Variants in FABP7 observed in about 807,000 individuals in gnomAD.
FABP7 encodes the protein fatty acid binding protein 7.
FABP7 carries 13 observed loss-of-function variants against 14.2 expected under a neutral mutation model. That is an observed-to-expected ratio of 0.91 (90% CI 0.59 to 1.45). The LOEUF (loss-of-function observed/expected upper bound fraction) is 1.45, where lower values mean the gene tolerates loss of function less well. Ranked by LOEUF, FABP7 falls within the 40% of genes most tolerant of loss-of-function variation. The pLI is 0.00. For synonymous variants in FABP7, 49 were observed against 51.4 expected, an observed-to-expected ratio of 0.95 and a Z score of 0.20; for missense variants, 149 against 157.6, an observed-to-expected ratio of 0.95 and a Z score of 0.29.
chr6:122,765,166 T>G, the FABP7 span, among the ~76,000 whole-genome samples: 1 of 152,118 alleles, frequency 6.6e-6, no homozygotes, highest in Non-Finnish European at 1.5e-5. Flanking sequence ...AATTCTGCAA[T>G]GGAAAAGACT....
the FABP7 span, among the ~76,000 whole-genome samples, chr6:122,763,252 G>T: frequency 6.6e-6 from 1 of 152,152 alleles, no homozygotes; most frequent in Non-Finnish European, 1.5e-5. Context: ...ACAACCATCT[G>T]ATCTTTGACA....
the FABP7 span, among the ~76,000 whole-genome samples, chr6:122,754,932 T>C: frequency 5.9e-5 from 9 of 152,138 alleles, no homozygotes; most frequent in Admixed American, 5.9e-4. Context: ...CTCACCAACC[T>C]TTCTACTGGT....
chr6:122,756,932 T>G, the FABP7 span, among the ~76,000 whole-genome samples: 1 of 152,182 alleles, frequency 6.6e-6, no homozygotes, highest in East Asian at 1.9e-4. Context: ...GATCCTTCTA[T>G]TCTTCCTGTT....
the FABP7 span, among the ~76,000 whole-genome samples, chr6:122,769,067 T>A: frequency 3.9e-5 from 6 of 152,232 alleles, no homozygotes; most frequent in African/African-American, 1.4e-4. Flanking sequence ...GAGTTCCACA[T>A]CTACCTGTCA....
At chr6:122,782,062 AC>A in intron 3 of FABP7, 2 of 985,328 alleles carry the variant, frequency 2.0e-6, no homozygotes, top group Non-Finnish European at 2.4e-6. Context: ...CCCAAAGAGA[AC>A]CATTTTGATG....
the FABP7 span, among the ~76,000 whole-genome samples, chr6:122,771,429 A>G: frequency 6.6e-6 from 1 of 152,168 alleles, no homozygotes; most frequent in Admixed American, 6.6e-5. Flanking sequence ...GTACACAGTA[A>G]TCAGCAGAGA....
Position 122,780,333 on chromosome 6 carries a change from C to T in FABP7, c.116C>T (p.Pro39Leu). ...AGGCAGGTGGGAAATGTGACCAAACCAACGGTAATTATCAGTCAAGAAGGA... is the reference window on the plus strand; with the variant it reads ...AGGCAGGTGGGAAATGTGACCAAACTAACGGTAATTATCAGTCAAGAAGGA... ...ATRQVGNVTK[P>L]TVIISQEGDK... The change falls in exon 2 of 4, where the codon CCA (proline) becomes CTA (leucine). Residue 39 changes from proline to leucine, a missense_variant. Physicochemically the swap from Pro to Leu is moderately conservative, Grantham distance 98. Transcript: ENST00000368444. The T allele has an allele frequency of 6.2e-7, 1 of 1,614,082 alleles. No homozygotes were observed. Among genetic ancestry groups the T allele is most frequent in the Non-Finnish European group, 8.5e-7 (1 of 1,180,032 alleles).
rs1412776785 is a variant in FABP7, at chr6:122,779,815, T to C, written c.21T>C (p.Ala7=). Residue 7 remains alanine (A), a synonymous_variant, in exon 1 of 4, where the codon GCT becomes GCC. Transcript: ENST00000368444. ...CAAGGATGGTGGAGGCTTTCTGTGC[T>C]ACCTGGAAGCTGACCAACAGTCAGA... MVEAFC[A]TWKLTNSQNF... 1.2e-6 allele frequency: 2 copies of C among 1,614,054 alleles called. No homozygotes were observed. The highest frequency in any genetic ancestry group is 1.3e-5 in the African/African-American group (1 of 74,938).
the FABP7 span, among the ~76,000 whole-genome samples, chr6:122,767,178 C>T: frequency 3.3e-5 from 5 of 151,910 alleles, no homozygotes; most frequent in African/African-American, 9.7e-5. Flanking sequence ...ATCAATTCTT[C>T]CAGATCAATA....
At position 122,779,748 on chromosome 6, in the gene FABP7, G is replaced by A; in HGVS notation, c.-47G>A. 6.3e-7 allele frequency: 1 copy of A among 1,590,164 alleles called. No individual in the cohort carries two copies. Among genetic ancestry groups the A allele is most frequent in the South Asian group, 1.1e-5 (1 of 90,158 alleles). On this transcript the variant is annotated 5_prime_UTR_variant, in exon 1 of 4. Coordinates refer to ENST00000368444, the MANE Select transcript of FABP7 (RefSeq NM_001446.5). ...GTCTTCTGAGCTGCAGTGGCAATTA[G>A]ACCAGAAGATCCCCGCTCCTGTCTC... is the stretch of plus-strand genomic sequence containing the variant.
upstream of FABP7, among the ~76,000 whole-genome samples, chr6:122,775,032 TG>T (rs1780647457): frequency 6.6e-6 from 1 of 152,040 alleles, no homozygotes; most frequent in Non-Finnish European, 1.5e-5. Flanking sequence ...GGAAAGATAT[TG>T]CATGTTCATG....
At chr6:122,779,694 G>T (rs1780732411), upstream of FABP7, 1 of 1,098,606 alleles carries the variant, frequency 9.1e-7, no homozygotes, top group African/African-American at 1.5e-5. Flanking sequence ...CAAATAAGAA[G>T]GCAGGAGCTG....
upstream of FABP7, chr6:122,779,382 A>T (rs1196342605): frequency 5.8e-6 from 1 of 173,624 alleles, no homozygotes. Flanking sequence ...GCAGTCTGAG[A>T]TTGCCTTTGC....
At chr6:122,781,998 TGCCTCG>T (rs1253451521) in intron 3 of FABP7, 2 of 909,216 alleles carry the variant, frequency 2.2e-6, no homozygotes, top group African/African-American at 3.6e-5. Context: ...TCCCGCCTGC[TGCCTCG>T]GCCTCCCAGA....
At chr6:122,783,375 T>C (rs943249602) in intron 3 of FABP7, 7 of 984,622 alleles carry the variant, frequency 7.1e-6, no homozygotes, top group Non-Finnish European at 8.4e-6. Context: ...AAACCTATTA[T>C]AAAACTCATT....
chr6:122,778,466 T>C (rs1780711360), upstream of FABP7, among the ~76,000 whole-genome samples: 1 of 152,130 alleles, frequency 6.6e-6, no homozygotes, highest in Non-Finnish European at 1.5e-5. Flanking sequence ...CTGTTGGATC[T>C]GGTGTGGATT....
the FABP7 span, among the ~76,000 whole-genome samples, chr6:122,771,443 G>A: frequency 6.6e-6 from 1 of 152,054 alleles, no homozygotes; most frequent in Non-Finnish European, 1.5e-5. Context: ...GCAGAGATCA[G>A]TAAACAAAAA....
chr6:122,780,533 GTT>G, intron 2 of FABP7, 70 bp downstream of exon 2: 2 of 1,455,320 alleles, frequency 1.4e-6, no homozygotes, highest in Non-Finnish European at 1.9e-6. Flanking sequence ...TCCAATGCAT[GTT>G]TTTTTTAAGA....
At chr6:122,752,440 T>G in the FABP7 span, among the ~76,000 whole-genome samples, 2 of 152,348 alleles carry the variant, frequency 1.3e-5, no homozygotes, top group South Asian at 2.1e-4. Flanking sequence ...TGCAATCTCT[T>G]TGGCTAGAAT....
Sources: allele counts gnomAD v4.1 joint callset (sites outside exome capture counted in the v4.1 genomes callset), GRCh38; gene constraint gnomAD v4.1.1; transcripts MANE v1.5; gene names NCBI Gene and HGNC (gene_info 2026-07-23, HGNC 2026-07-21).